LPCAT2: variants seen among roughly 807,000 people sequenced by gnomAD.
LPCAT2 encodes the protein 1-AGP acyltransferase 11.
LPCAT2 carries 58 observed loss-of-function variants against 64.7 expected under a neutral mutation model. That is an observed-to-expected ratio of 0.90 (90% CI 0.73 to 1.12). The LOEUF (loss-of-function observed/expected upper bound fraction) is 1.12. Ranked by LOEUF, LPCAT2 falls within the 50% of genes most tolerant of loss-of-function variation. The pLI is 0.00. For missense variants in LPCAT2, 579 were observed against 669.8 expected (o/e 0.86, Z 1.50); for synonymous variants, 252 against 245.3 (o/e 1.03, Z -0.26).
intron 6 of LPCAT2, 138 bp from the exon 7 acceptor site, chr16:55,534,305 T>A: frequency 1.6e-6 from 1 of 607,764 alleles, no homozygotes; most frequent in Non-Finnish European, 3.0e-6. Context: ...TCTTTAACAA[T>A]AATGTATTTA....
In LPCAT2 at chr16:55,563,773, T is replaced by A. The variant is rs181976811; in HGVS notation, c.1216-10858T>A. ...CAGTGATGAAAAGACTGAAAGCTTTTCCTCTAAGATCAGGAATAAGACTAG... is the reference window on the plus strand; with the variant it reads ...CAGTGATGAAAAGACTGAAAGCTTTACCTCTAAGATCAGGAATAAGACTAG... On this transcript the variant is annotated intron_variant, in intron 11 of 13. Coordinates refer to ENST00000262134, the MANE Select transcript of LPCAT2 (RefSeq NM_017839.5). Among the ~76,000 whole-genome samples the A allele has an allele frequency of 3.6e-3, 545 of 151,998 alleles. 2 individuals carry two copies. The highest frequency in any genetic ancestry group is 5.8e-3 in the Non-Finnish European group (393 of 67,820).
At chr16:55,527,442 C>T (rs780564621) in intron 2 of LPCAT2, among the ~76,000 whole-genome samples, 17 of 146,888 alleles carry the variant, frequency 1.2e-4, no homozygotes, top group Non-Finnish European at 2.4e-4. Flanking sequence ...ATTGCACCAC[C>T]GCACTCCAGC....
chr16:55,537,476 G>A, intron 7 of LPCAT2, 102 bp from the exon 8 acceptor site: 1 of 857,938 alleles, frequency 1.2e-6, no homozygotes. Flanking sequence ...TATATGTGAA[G>A]TGTGATGTGA....
At chr16:55,536,010 G>A (rs1963319409) in intron 7 of LPCAT2, among the ~76,000 whole-genome samples, 1 of 152,120 alleles carries the variant, frequency 6.6e-6, no homozygotes, top group Non-Finnish European at 1.5e-5. Context: ...TATTTTGAGA[G>A]TCAAAAATTT....
chr16:55,522,345 G>T (rs1437474454), intron 1 of LPCAT2, among the ~76,000 whole-genome samples: 1 of 151,652 alleles, frequency 6.6e-6, no homozygotes, highest in African/African-American at 2.4e-5. Flanking sequence ...GACTTACATA[G>T]AGAGATATAC....
intron 11 of LPCAT2, among the ~76,000 whole-genome samples, chr16:55,553,068 G>A (rs1315412918): frequency 6.6e-6 from 1 of 151,024 alleles, no homozygotes; most frequent in Non-Finnish European, 1.5e-5. Flanking sequence ...GTGAAACCCT[G>A]TCTCAACTAA....
intron 11 of LPCAT2, among the ~76,000 whole-genome samples, chr16:55,561,291 G>A (rs1359942123): frequency 6.7e-6 from 1 of 149,326 alleles, no homozygotes; most frequent in Non-Finnish European, 1.5e-5. Flanking sequence ...GTCTCATTGT[G>A]TACTTTTTAA....
At position 55,584,370 on chromosome 16, in the gene LPCAT2, G is replaced by A. The variant is rs1203013304; in HGVS notation, c.*1272G>A. ...ACCCAAAGCTAGGGAATCAACAAAC[G>A]TACTTTATTAATGCAAGACCACAAT... On this transcript the variant is annotated 3_prime_UTR_variant, in exon 14 of 14. Transcript: ENST00000262134. 6.6e-6 allele frequency: 1 copy of A among 152,112 alleles called. No homozygotes were observed. Among genetic ancestry groups the A allele is most frequent in the Non-Finnish European group, 1.5e-5 (1 of 68,014 alleles). The allele number at this position is 152,112 out of a possible 1,614,324, so 9.4% of individuals were successfully genotyped here. A position where few individuals can be genotyped will look rare whatever the true frequency, so the allele number is the denominator to read the frequency against.
At chr16:55,528,028 T>A (rs1963197264) in intron 2 of LPCAT2, among the ~76,000 whole-genome samples, 1 of 152,208 alleles carries the variant, frequency 6.6e-6, no homozygotes, top group Non-Finnish European at 1.5e-5. Flanking sequence ...TAACACTTTA[T>A]AGTCTCAGAA....
intron 8 of LPCAT2, chr16:55,540,139 C>T (rs1193266577): frequency 1.3e-5 from 2 of 152,090 alleles, no homozygotes; most frequent in African/African-American, 4.8e-5. Flanking sequence ...TTCTTACCAC[C>T]TCTTCCCAGC....
chr16:55,573,394 G>GTT (rs71379092), intron 11 of LPCAT2, among the ~76,000 whole-genome samples: 72 of 147,550 alleles, frequency 4.9e-4, no homozygotes, highest in Middle Eastern at 7.0e-3. Context: ...TTGTTTTTTT[G>GTT]TTTTTTTTTT....
chr16:55,532,074 C>T, intron 5 of LPCAT2, 100 bp downstream of exon 5: 1 of 785,392 alleles, frequency 1.3e-6, no homozygotes, highest in Non-Finnish European at 2.2e-6. Flanking sequence ...TTGCTCTGAG[C>T]ATTTTTTTCT....
intron 7 of LPCAT2, among the ~76,000 whole-genome samples, chr16:55,537,376 G>A (rs1963336227): frequency 6.8e-6 from 1 of 147,196 alleles, no homozygotes; most frequent in Non-Finnish European, 1.5e-5. Context: ...GGGTGACGGA[G>A]TAAGACCCTG....
chr16:55,563,437 G>A (rs2142409726), intron 11 of LPCAT2, among the ~76,000 whole-genome samples: 1 of 151,932 alleles, frequency 6.6e-6, no homozygotes, highest in East Asian at 1.9e-4. Flanking sequence ...TATGCCATAT[G>A]AACATGGATG....
chr16:55,567,400 G>A lies in LPCAT2; in HGVS notation c.1216-7231G>A, dbSNP rs552685651. On this transcript the variant is annotated intron_variant, in intron 11 of 13. Transcript: ENST00000262134. ...AACAATTTCATCAGCTGCTTGGTCC[G>A]CCTGGATGCCATGTTTCGTGCCTTC... 1.2e-5 allele frequency: 19 copies of A among 1,613,768 alleles called. No individual in the cohort carries two copies. Among genetic ancestry groups the A allele is most frequent in the South Asian group, 2.2e-5 (2 of 91,078 alleles).
chr16:55,539,775 G>A (rs1019127249), intron 8 of LPCAT2: 3 of 152,000 alleles, frequency 2.0e-5, no homozygotes, highest in African/African-American at 7.2e-5. Context: ...AATTGTCTTG[G>A]TTGTTCTCAA....
chr16:55,510,731 TTTAAA>T (rs377463342), intron 1 of LPCAT2, among the ~76,000 whole-genome samples: 70 of 152,336 alleles, frequency 4.6e-4, no homozygotes, highest in African/African-American at 1.6e-3. Context: ...TCCTCATGTC[TTTAAA>T]TTAATAGATA....
In LPCAT2 at chr16:55,583,225, AG is replaced by A; in HGVS notation, c.*128del. The A allele has an allele frequency of 1.4e-6, 1 of 729,426 alleles. No homozygotes were observed. The highest frequency in any genetic ancestry group is 2.1e-6 in the Non-Finnish European group (1 of 477,136). The allele number at this position is 729,426 out of a possible 1,614,324, so 45.2% of individuals were successfully genotyped here. On this transcript the variant is annotated 3_prime_UTR_variant, in exon 14 of 14. Coordinates refer to ENST00000262134, the MANE Select transcript of LPCAT2 (RefSeq NM_017839.5). ...GAAAGATTTTTAAAACAAAAATGAT[AG>A]ATTTTCTTACTAAAAATGTTTTTAT... is the stretch of plus-strand genomic sequence containing the variant.
At chr16:55,528,621 A>G in intron 3 of LPCAT2, 27 bp downstream of exon 3, 1 of 1,519,832 alleles carries the variant, frequency 6.6e-7, no homozygotes, top group East Asian at 2.3e-5. Flanking sequence ...TAACGTAGAT[A>G]AAATATTTTC....
Sources: allele counts gnomAD v4.1 joint callset (sites outside exome capture counted in the v4.1 genomes callset), GRCh38; gene constraint gnomAD v4.1.1; transcripts MANE v1.5; gene names NCBI Gene and HGNC (gene_info 2026-07-23, HGNC 2026-07-21).